The following SV2C variants were observed in gnomAD, a reference collection of about 807,000 sequenced individuals.
SV2C encodes the protein solute carrier family 22 member B3.
SV2C carries 49 observed loss-of-function variants against 79.7 expected under a neutral mutation model. The observed-to-expected ratio is 0.61, with a 90% CI of 0.49 to 0.78. The LOEUF (loss-of-function observed/expected upper bound fraction) is 0.78, where lower values mean the gene tolerates loss of function less well. Among genes scored for constraint, SV2C ranks in the 30% least tolerant of loss-of-function variants. The probability of loss-of-function intolerance (pLI) is 0.00; values close to 1 mark genes in which losing one functional copy is unlikely to be tolerated. For synonymous variants in SV2C, 334 were observed against 333.2 expected (o/e 1.00, Z -0.03); for missense variants, 833 against 912.9 (o/e 0.91, Z 1.13).
the SV2C span, among the ~76,000 whole-genome samples, chr5:75,958,615 C>T: frequency 1.3e-5 from 2 of 151,998 alleles, no homozygotes; most frequent in East Asian, 3.9e-4. Context: ...TTGGCTGCAT[C>T]CTGAAGGCTG....
rs1221212765 is a variant in SV2C, at chr5:76,298,854, C to T, written c.1563C>T (p.Thr521=). 1 of 1,613,820 alleles carries T rather than the reference C, an allele frequency of 6.2e-7. No individual in the cohort carries two copies. Among genetic ancestry groups the T allele is most frequent in the Admixed American group, 1.7e-5 (1 of 59,988 alleles). Residue 521 remains threonine, a synonymous_variant, in exon 10 of 13, where the codon ACC becomes ACT. Transcript: ENST00000502798. The stretch of plus-strand genomic sequence containing the variant: ...AAGACTCTGTTTTTAAGTCCTGCAC[C>T]TTTGAGGATGTAACTTCAGTGAACA... ...TFKDSVFKSC[T]FEDVTSVNTY...
the SV2C span, among the ~76,000 whole-genome samples, chr5:76,064,409 A>C: frequency 8.4e-3 from 1,277 of 152,324 alleles, 14 homozygotes; most frequent in Non-Finnish European, 0.014. Context: ...AAGCAACACA[A>C]GAAAAAAGAA....
the SV2C span, among the ~76,000 whole-genome samples, chr5:76,038,553 A>T: frequency 6.6e-6 from 1 of 152,204 alleles, no homozygotes; most frequent in African/African-American, 2.4e-5. Context: ...TATAAATGTT[A>T]ATAAGGCAGA....
the SV2C span, among the ~76,000 whole-genome samples, chr5:76,023,489 C>A: frequency 6.6e-6 from 1 of 151,946 alleles, no homozygotes; most frequent in Non-Finnish European, 1.5e-5. Flanking sequence ...ATGTAGCCAT[C>A]CCAGAACAGG....
chr5:76,169,119 C>T lies in SV2C; in HGVS notation c.581-25800C>T, dbSNP rs1743136102. On this transcript the variant is annotated intron_variant, in intron 2 of 12. Transcript: ENST00000502798. ...AAACAAGAGGATAAAATATATTTTA[C>T]TGGACAAAGTAGAAGAATGAACAAT... Among the ~76,000 whole-genome samples, 4 of 152,282 alleles carry T rather than the reference C, an allele frequency of 2.6e-5. No individual in the cohort carries two copies. In the South Asian group the frequency reaches 8.3e-4, roughly 32 times the overall value.
the SV2C span, among the ~76,000 whole-genome samples, chr5:76,036,554 A>G: frequency 1.3e-5 from 2 of 152,150 alleles, no homozygotes; most frequent in Non-Finnish European, 2.9e-5. Flanking sequence ...CTTTTCTTTA[A>G]GAATGTTGAA....
At chr5:75,949,638 G>C in the SV2C span, among the ~76,000 whole-genome samples, 16 of 152,020 alleles carry the variant, frequency 1.1e-4, no homozygotes, top group Non-Finnish European at 2.4e-4. Context: ...TTTATAAGGG[G>C]TTTTGCCTCT....
chr5:76,285,686 C>A, intron 5 of SV2C, 95 bp from the exon 6 acceptor site: 1 of 983,714 alleles, frequency 1.0e-6, no homozygotes, highest in Non-Finnish European at 1.6e-6. Flanking sequence ...CACAATTACA[C>A]CTCATTTGAT....
chr5:75,881,507 C>T, the SV2C span, among the ~76,000 whole-genome samples: 1 of 151,952 alleles, frequency 6.6e-6, no homozygotes, highest in Non-Finnish European at 1.5e-5. Context: ...TGAAGAGGTC[C>T]TTCACATCCC....
intron 4 of SV2C, among the ~76,000 whole-genome samples, chr5:76,225,929 C>T (rs1745223034): frequency 6.6e-6 from 1 of 152,148 alleles, no homozygotes; most frequent in Admixed American, 6.5e-5. Flanking sequence ...ATGCTGGAAG[C>T]CAGAGGTGCT....
intron 1 of SV2C, among the ~76,000 whole-genome samples, chr5:76,123,280 C>T (rs1206121675): frequency 1.3e-5 from 2 of 152,132 alleles, no homozygotes; most frequent in Admixed American, 6.5e-5. Context: ...GGATTCACAG[C>T]CGAATTCTAC....
At chr5:76,031,128 T>C in the SV2C span, among the ~76,000 whole-genome samples, 2 of 152,204 alleles carry the variant, frequency 1.3e-5, no homozygotes, top group African/African-American at 2.4e-5. Context: ...GATGAAATAA[T>C]GCCTCCAAGT....
At chr5:76,234,619 C>T (rs1745554537) in intron 4 of SV2C, among the ~76,000 whole-genome samples, 1 of 152,192 alleles carries the variant, frequency 6.6e-6, no homozygotes, top group Non-Finnish European at 1.5e-5. Flanking sequence ...CTCCTGGTTG[C>T]CCACAGAATC....
At chr5:75,953,507 A>C in the SV2C span, among the ~76,000 whole-genome samples, 1 of 152,036 alleles carries the variant, frequency 6.6e-6, no homozygotes. Context: ...ACAAATTTAT[A>C]ATAAAGTCCT....
chr5:76,214,309 C>T (rs1198498507), intron 4 of SV2C, among the ~76,000 whole-genome samples: 1 of 152,124 alleles, frequency 6.6e-6, no homozygotes, highest in Non-Finnish European at 1.5e-5. Flanking sequence ...TTATGGGGTA[C>T]TCTTGGTGCC....
At chr5:76,316,121 TG>T (rs796240571) in intron 12 of SV2C, among the ~76,000 whole-genome samples, 2 of 151,974 alleles carry the variant, frequency 1.3e-5, no homozygotes, top group African/African-American at 4.8e-5. Flanking sequence ...GTAATATGAA[TG>T]AAAAAAAAGC....
At chr5:75,912,920 G>A in the SV2C span, among the ~76,000 whole-genome samples, 1 of 152,212 alleles carries the variant, frequency 6.6e-6, no homozygotes, top group African/African-American at 2.4e-5. Context: ...AGGTGAGTTG[G>A]AATAAACCTA....
intron 3 of SV2C, among the ~76,000 whole-genome samples, chr5:76,201,439 T>C (rs967035829): frequency 1.3e-4 from 20 of 152,158 alleles, no homozygotes; most frequent in Non-Finnish European, 5.9e-5. Context: ...AAAAATATAA[T>C]AGCAACAGAA....
intron 1 of SV2C, among the ~76,000 whole-genome samples, chr5:76,084,701 T>G (rs925611205): frequency 8.9e-3 from 35 of 3,952 alleles, no homozygotes; most frequent in Admixed American, 0.016. Context: ...CGGGCGGGGG[T>G]GGCGGGCGGG....
Sources: gnomAD v4.1 joint callset for allele counts (sites outside exome capture counted in the v4.1 genomes callset) on GRCh38, gnomAD v4.1.1 for gene constraint, MANE v1.5 for transcripts, NCBI Gene and HGNC (gene_info 2026-07-23, HGNC 2026-07-21) for gene names.